HS6ST2: variants seen among roughly 807,000 people sequenced by gnomAD.
HS6ST2 encodes heparan sulfate 6-O-sulfotransferase 2.
A neutral mutation model predicts 33.0 loss-of-function variants in HS6ST2; 17 were observed. The observed-to-expected ratio is 0.52, with a 90% CI of 0.35 to 0.77. HS6ST2 has a LOEUF of 0.77. Ranked by LOEUF, HS6ST2 falls within the 30% of genes least tolerant of loss-of-function variation. The pLI, the probability that HS6ST2 is intolerant of heterozygous loss-of-function variation, is 0.01. For synonymous variants in HS6ST2, 248 were observed against 237.1 expected, an observed-to-expected ratio of 1.05 and a Z score of -0.42; for missense variants, 519 against 551.7, an observed-to-expected ratio of 0.94 and a Z score of 0.59.
At chrX:132,763,331 A>C (rs982180086) in intron 2 of HS6ST2, among the ~76,000 whole-genome samples, 1 of 112,825 alleles carries the variant, frequency 8.9e-6, no homozygotes, top group African/African-American at 3.2e-5. Context: ...ATGTGAAAGT[A>C]CTTTGCGAAA....
chrX:132,703,983 A>G (rs142712894), intron 3 of HS6ST2, among the ~76,000 whole-genome samples: 38 of 112,228 alleles, frequency 3.4e-4, no homozygotes, highest in African/African-American at 1.2e-3. Flanking sequence ...TATGTTCTAT[A>G]TTCACAGCTG....
At chrX:132,629,303 G>C (rs768737029) in intron 4 of HS6ST2, among the ~76,000 whole-genome samples, 2 of 111,871 alleles carry the variant, frequency 1.8e-5, no homozygotes, top group East Asian at 5.6e-4. Context: ...CAACCAATTT[G>C]CTGATACTTC....
At chrX:132,813,176 T>C (rs1346419924) in intron 2 of HS6ST2, among the ~76,000 whole-genome samples, 2 of 111,813 alleles carry the variant, frequency 1.8e-5, no homozygotes, top group African/African-American at 6.5e-5. Flanking sequence ...GGTTTGCTTC[T>C]TATTACTCAA....
At chrX:132,717,396 A>G (rs2064285059) in intron 2 of HS6ST2, among the ~76,000 whole-genome samples, 1 of 112,602 alleles carries the variant, frequency 8.9e-6, no homozygotes. Context: ...TCTCAATAAA[A>G]CTGTGACTTC....
chrX:132,664,383 G>A (rs1333862802), intron 4 of HS6ST2, among the ~76,000 whole-genome samples: 1 of 112,086 alleles, frequency 8.9e-6, no homozygotes, highest in Non-Finnish European at 1.9e-5. Flanking sequence ...GTGCTGGTAT[G>A]TTTATTTATG....
chrX:132,809,367 T>C (rs898957541), intron 2 of HS6ST2, among the ~76,000 whole-genome samples: 3 of 112,311 alleles, frequency 2.7e-5, no homozygotes, highest in African/African-American at 9.7e-5. Context: ...AAAAACTATT[T>C]ACTTATCCTG....
intron 2 of HS6ST2, among the ~76,000 whole-genome samples, chrX:132,786,782 CA>C (rs1363914900): frequency 9.2e-6 from 1 of 108,922 alleles, no homozygotes; most frequent in East Asian, 2.9e-4. Flanking sequence ...CCACCATGCC[CA>C]GCTAATTTTT....
At chrX:132,689,679 C>T (rs2064045441) in intron 3 of HS6ST2, among the ~76,000 whole-genome samples, 1 of 111,828 alleles carries the variant, frequency 8.9e-6, no homozygotes, top group Non-Finnish European at 1.9e-5. Flanking sequence ...TTATATTGAA[C>T]CAGATTATCC....
At chrX:132,646,324 C>T (rs1389730456) in intron 4 of HS6ST2, among the ~76,000 whole-genome samples, 3 of 110,524 alleles carry the variant, frequency 2.7e-5, no homozygotes, top group East Asian at 5.7e-4. Context: ...GGGTCAAAAG[C>T]AATGAAGACT....
At chrX:132,901,524 C>T in intron 2 of HS6ST2, among the ~76,000 whole-genome samples, 1 of 110,905 alleles carries the variant, frequency 9.0e-6, no homozygotes, top group Middle Eastern at 4.6e-3. Context: ...TGAGCATCCA[C>T]CATAGTAAAA....
At chrX:132,672,720 A>G (rs1017875532) in intron 3 of HS6ST2, among the ~76,000 whole-genome samples, 3 of 112,410 alleles carry the variant, frequency 2.7e-5, no homozygotes, top group African/African-American at 9.7e-5. Context: ...CCAGCACTAC[A>G]AAAGTGAAAA....
intron 4 of HS6ST2, among the ~76,000 whole-genome samples, chrX:132,650,993 C>A (rs1315432843): frequency 9.0e-6 from 1 of 110,955 alleles, no homozygotes; most frequent in Non-Finnish European, 1.9e-5. Context: ...GTCTTGAACT[C>A]CTGGTCTCAA....
intron 3 of HS6ST2, among the ~76,000 whole-genome samples, chrX:132,694,417 GA>G (rs1169169817): frequency 9.0e-6 from 1 of 111,373 alleles, no homozygotes; most frequent in Non-Finnish European, 1.9e-5. Context: ...CAAAGGCCCT[GA>G]GGCAGCAAGA....
At chrX:132,705,677 C>T (rs1424670082) in intron 3 of HS6ST2, among the ~76,000 whole-genome samples, 1 of 111,901 alleles carries the variant, frequency 8.9e-6, no homozygotes, top group Non-Finnish European at 1.9e-5. Flanking sequence ...AAGAAAACTA[C>T]CTGAAGCCAA....
At chrX:132,895,361 A>G (rs2066363729) in intron 2 of HS6ST2, among the ~76,000 whole-genome samples, 1 of 111,633 alleles carries the variant, frequency 9.0e-6, no homozygotes, top group Non-Finnish European at 1.9e-5. Flanking sequence ...TCAATAAACG[A>G]AAAATATTTT....
intron 3 of HS6ST2, among the ~76,000 whole-genome samples, chrX:132,672,866 A>G (rs2063895279): frequency 8.9e-6 from 1 of 112,304 alleles, no homozygotes. Context: ...CAAAATGGCA[A>G]TCAGACCCAC....
At chrX:132,802,139 A>G (rs1434094851) in intron 2 of HS6ST2, among the ~76,000 whole-genome samples, 1 of 112,287 alleles carries the variant, frequency 8.9e-6, no homozygotes, top group African/African-American at 3.2e-5. Flanking sequence ...TGTCAAAGGC[A>G]GGTGATGATA....
At chrX:132,694,382 T>C (rs1191007933) in intron 3 of HS6ST2, among the ~76,000 whole-genome samples, 1 of 111,639 alleles carries the variant, frequency 9.0e-6, no homozygotes, top group Non-Finnish European at 1.9e-5. Flanking sequence ...GGGAAGAGCA[T>C]TCCAGGTAGA....
chrX:132,726,290 C>A (rs2064391491), intron 2 of HS6ST2, among the ~76,000 whole-genome samples: 1 of 110,003 alleles, frequency 9.1e-6, no homozygotes, highest in South Asian at 3.9e-4. Flanking sequence ...AATATATACA[C>A]CTACTATGTA....
Sources: allele counts gnomAD v4.1 joint callset (sites outside exome capture counted in the v4.1 genomes callset), GRCh38; gene constraint gnomAD v4.1.1; transcripts MANE v1.5; gene names NCBI Gene and HGNC (gene_info 2026-07-23, HGNC 2026-07-21).